The following SETBP1 variants were observed in gnomAD, a reference collection of about 807,000 sequenced individuals.
The protein encoded by SETBP1 is SET binding protein 1, also known as SET-binding protein.
Under a neutral mutation model 101.0 loss-of-function variants are expected in SETBP1, and 9 were observed. That is an observed-to-expected ratio of 0.09 (90% CI 0.05 to 0.16). The LOEUF (loss-of-function observed/expected upper bound fraction) is 0.16, where lower values mean the gene tolerates loss of function less well. Ranked by LOEUF, SETBP1 falls within the 10% of genes least tolerant of loss-of-function variation. The pLI is 1.00. For synonymous variants in SETBP1, 818 were observed against 788.5 expected (o/e 1.04, Z -0.63); for missense variants, 1,858 against 2,033.8 (o/e 0.91, Z 1.66).
intron 4 of SETBP1, among the ~76,000 whole-genome samples, chr18:44,991,196 T>C (rs147679946): frequency 1.9e-3 from 265 of 142,770 alleles, no homozygotes; most frequent in African/African-American, 6.5e-3. Context: ...TAAACCAAGG[T>C]TGCGCCACTG....
intron 2 of SETBP1, among the ~76,000 whole-genome samples, chr18:44,706,067 G>C (rs1172056185): frequency 6.6e-6 from 1 of 152,216 alleles, no homozygotes; most frequent in African/African-American, 2.4e-5. Flanking sequence ...AGTAGAGGCT[G>C]AGGGGAGAGC....
intron 3 of SETBP1, among the ~76,000 whole-genome samples, chr18:44,887,597 C>A (rs2069677566): frequency 6.6e-6 from 1 of 152,140 alleles, no homozygotes; most frequent in South Asian, 2.1e-4. Context: ...CAACTAAGTC[C>A]TTAGTGGCAG....
At chr18:44,794,261 C>T (rs558857382) in intron 2 of SETBP1, among the ~76,000 whole-genome samples, 26 of 137,510 alleles carry the variant, frequency 1.9e-4, no homozygotes, top group Admixed American at 5.7e-4. Flanking sequence ...GTGATGGATA[C>T]AGCTGTATTC....
chr18:45,053,263 A>G (rs1295121920), intron 5 of SETBP1, among the ~76,000 whole-genome samples: 2 of 152,220 alleles, frequency 1.3e-5, no homozygotes, highest in African/African-American at 4.8e-5. Flanking sequence ...AATTCTAGGC[A>G]CTAAAATCTC....
chr18:44,928,648 T>G (rs886443156), intron 3 of SETBP1, among the ~76,000 whole-genome samples: 15 of 152,258 alleles, frequency 9.9e-5, no homozygotes, highest in Non-Finnish European at 1.5e-4. Flanking sequence ...GGTATCTCAT[T>G]GTGGTTTTGA....
At chr18:44,863,311 A>T (rs1039868251) in intron 2 of SETBP1, among the ~76,000 whole-genome samples, 12 of 152,210 alleles carry the variant, frequency 7.9e-5, no homozygotes, top group Non-Finnish European at 1.6e-4. Flanking sequence ...TTTGGGTTGC[A>T]TACATACAGT....
chr18:44,994,129 T>A (rs763906165), intron 4 of SETBP1, among the ~76,000 whole-genome samples: 2 of 152,086 alleles, frequency 1.3e-5, no homozygotes, highest in African/African-American at 2.4e-5. Context: ...TTTAAAGAAC[T>A]GCTAGAGTTT....
At chr18:44,995,269 G>T (rs1359880933) in intron 4 of SETBP1, among the ~76,000 whole-genome samples, 2 of 150,750 alleles carry the variant, frequency 1.3e-5, no homozygotes, top group Non-Finnish European at 2.9e-5. Context: ...AGCCTCCCGA[G>T]TAGCTGGGAC....
intron 3 of SETBP1, among the ~76,000 whole-genome samples, chr18:44,930,501 A>G (rs182394174): frequency 1.7e-3 from 255 of 152,320 alleles, no homozygotes; most frequent in African/African-American, 5.7e-3. Flanking sequence ...GACTAGTTTC[A>G]GAAGGAATGG....
chr18:45,034,308 A>G (rs532120992), intron 4 of SETBP1, among the ~76,000 whole-genome samples: 1 of 152,324 alleles, frequency 6.6e-6, no homozygotes, highest in South Asian at 2.1e-4. Context: ...AGCGCCTGCC[A>G]CTGATTTTGA....
At chr18:44,949,480 T>C (rs1451020191) in intron 3 of SETBP1, among the ~76,000 whole-genome samples, 2 of 152,236 alleles carry the variant, frequency 1.3e-5, no homozygotes, top group Non-Finnish European at 2.9e-5. Context: ...TTGCCATCTT[T>C]GGCAGGACTC....
chr18:44,877,422 T>A (rs1262611626), intron 3 of SETBP1: 1 of 970,018 alleles, frequency 1.0e-6, no homozygotes, highest in Non-Finnish European at 1.2e-6. Flanking sequence ...GGACTCCTTA[T>A]TTGTCTTTTT....
intron 4 of SETBP1, among the ~76,000 whole-genome samples, chr18:45,023,915 A>G (rs146991519): frequency 3.9e-4 from 60 of 152,286 alleles, no homozygotes; most frequent in Non-Finnish European, 7.2e-4. Context: ...TAAGAGGTTA[A>G]ATCATTTAAA....
At chr18:44,915,354 C>A (rs886785216) in intron 3 of SETBP1, among the ~76,000 whole-genome samples, 1 of 152,110 alleles carries the variant, frequency 6.6e-6, no homozygotes, top group East Asian at 1.9e-4. Context: ...AGGATCTTGG[C>A]AGCAAATGGA....
intron 4 of SETBP1, among the ~76,000 whole-genome samples, chr18:45,006,572 T>C (rs1217595282): frequency 6.6e-6 from 1 of 152,202 alleles, no homozygotes; most frequent in Non-Finnish European, 1.5e-5. Context: ...CTGGCATTCT[T>C]TGGCTTATGT....
chr18:44,744,669 A>C (rs1053518280), intron 2 of SETBP1, among the ~76,000 whole-genome samples: 3 of 151,584 alleles, frequency 2.0e-5, no homozygotes, highest in Non-Finnish European at 2.9e-5. Context: ...GGCCAAACGC[A>C]GTCTTTGCAT....
chr18:44,753,990 C>A (rs1431749378), intron 2 of SETBP1, among the ~76,000 whole-genome samples: 1 of 152,188 alleles, frequency 6.6e-6, no homozygotes, highest in Non-Finnish European at 1.5e-5. Context: ...CAAACTCATG[C>A]AAAGTTATTT....
intron 3 of SETBP1, among the ~76,000 whole-genome samples, chr18:44,929,526 A>G (rs1178413821): frequency 3.3e-5 from 5 of 152,178 alleles, no homozygotes; most frequent in Non-Finnish European, 7.3e-5. Flanking sequence ...TACCTTGGGC[A>G]ATATGGCCAT....
At chr18:44,908,688 T>C (rs928353975) in intron 3 of SETBP1, among the ~76,000 whole-genome samples, 9 of 152,204 alleles carry the variant, frequency 5.9e-5, no homozygotes, top group Admixed American at 2.0e-4. Flanking sequence ...GGCATTTCAA[T>C]ATGAATTTTA....
Sources: allele counts gnomAD v4.1 joint callset (sites outside exome capture counted in the v4.1 genomes callset), GRCh38; gene constraint gnomAD v4.1.1; transcripts MANE v1.5; gene names NCBI Gene and HGNC (gene_info 2026-07-23, HGNC 2026-07-21).